Variants in UXS1 observed in about 807,000 individuals in gnomAD.
The protein encoded by UXS1 is UDP-glucuronate decarboxylase 1.
A neutral mutation model predicts 62.6 loss-of-function variants in UXS1; 33 were observed. The observed-to-expected ratio is 0.53, with a 90% confidence interval of 0.40 to 0.70. UXS1 has a LOEUF of 0.70. Ranked by LOEUF, UXS1 falls within the 30% of genes least tolerant of loss-of-function variation. The pLI, the probability that UXS1 is intolerant of heterozygous loss-of-function variation, is 0.00. For synonymous variants in UXS1, 213 were observed against 206.8 expected, an observed-to-expected ratio of 1.03 and a Z score of -0.26; for missense variants, 434 against 556.3, an observed-to-expected ratio of 0.78 and a Z score of 2.21.
intron 1 of UXS1, among the ~76,000 whole-genome samples, chr2:106,183,170 A>G (rs1457617656): frequency 6.6e-6 from 1 of 151,334 alleles, no homozygotes; most frequent in East Asian, 1.9e-4. Flanking sequence ...TCCCTTGGTT[A>G]CAACCAAGCC....
At chr2:106,169,081 C>G (rs1432154535) in intron 1 of UXS1, among the ~76,000 whole-genome samples, 1 of 152,160 alleles carries the variant, frequency 6.6e-6, no homozygotes, top group African/African-American at 2.4e-5. Flanking sequence ...TTCTAGACAC[C>G]TGGTGAACAC....
At chr2:106,104,344 A>G (rs1169995098) in intron 11 of UXS1, among the ~76,000 whole-genome samples, 3 of 152,236 alleles carry the variant, frequency 2.0e-5, no homozygotes, top group Non-Finnish European at 2.9e-5. Context: ...TTTTATCTGC[A>G]TTTAGTTTCA....
chr2:106,153,358 A>C (rs1428227765), intron 5 of UXS1, among the ~76,000 whole-genome samples: 1 of 152,206 alleles, frequency 6.6e-6, no homozygotes, highest in Non-Finnish European at 1.5e-5. Context: ...GCACAGGCTT[A>C]ATAGAGAAAT....
chr2:106,148,096 A>T (rs1007837938), intron 5 of UXS1, among the ~76,000 whole-genome samples: 1 of 152,216 alleles, frequency 6.6e-6, no homozygotes, highest in Non-Finnish European at 1.5e-5. Context: ...ATCCTCAGAG[A>T]TCACTAGCTG....
chr2:106,096,754 G>A lies in UXS1; in HGVS notation c.1110C>T (p.Ile370=), dbSNP rs780851980. The A allele has an allele frequency of 6.9e-6, 11 of 1,588,490 alleles. No homozygotes were observed. The highest frequency in any genetic ancestry group is 5.3e-5 in the Admixed American group (3 of 56,614). ...ACCCCAGCATCAGCTTTGCTTTTTT[G>A]ATGTCTGGTTTTCTTTTCTGTGGGT... ...QDDPQKRKPD[I]KKAKLMLGWE... Residue 370 remains isoleucine (I), a synonymous_variant, in exon 14 of 15, where the codon ATC becomes ATT. Coordinates refer to ENST00000283148, the MANE Select transcript of UXS1 (RefSeq NM_001253875.2).
intron 9 of UXS1, among the ~76,000 whole-genome samples, chr2:106,117,596 C>T (rs781223360): frequency 6.6e-6 from 1 of 152,194 alleles, no homozygotes; most frequent in Non-Finnish European, 1.5e-5. Flanking sequence ...CAGAGCCCTG[C>T]ATAGTGGGAG....
At position 106,094,197 on chromosome 2, in the gene UXS1, T is replaced by C. The variant is rs371810370; in HGVS notation, c.1147-40A>G. 307 of 1,226,000 alleles carry C rather than the reference T, an allele frequency of 2.5e-4. 1 individual carries two copies. The highest frequency in any genetic ancestry group is 8.2e-4 in the East Asian group (24 of 29,362). 75.9% of individuals were successfully genotyped at this position (1,226,000 alleles called of 1,614,324 possible). On this transcript the variant is annotated intron_variant, in intron 14 of 14. Transcript: ENST00000283148. ...AGCAAGAAAGGGAGACAAGGTCACA[T>C]TGACAGAAGGGCATCGCAGGAAGGA...
At chr2:106,175,244 GA>G (rs754969585) in intron 1 of UXS1, among the ~76,000 whole-genome samples, 1 of 152,216 alleles carries the variant, frequency 6.6e-6, no homozygotes, top group Non-Finnish European at 1.5e-5. Context: ...TATTGGCAGA[GA>G]AAGTTCCAGA....
chr2:106,094,232 T>TTGCAGGAAGGAAGTGCCACCC, intron 14 of UXS1, 75 bp from the exon 15 acceptor site: 1 of 1,599,538 alleles, frequency 6.3e-7, no homozygotes, highest in Middle Eastern at 1.7e-4. Flanking sequence ...AAGTGCCACC[T>TTGCAGGAAGGAAGTGCCACCC]TGCAGGAAGG....
chr2:106,175,743 A>C (rs1203019488), intron 1 of UXS1, among the ~76,000 whole-genome samples: 1 of 152,178 alleles, frequency 6.6e-6, no homozygotes, highest in Non-Finnish European at 1.5e-5. Context: ...GCCAGTGAAG[A>C]AGCCCCCTGC....
At chr2:106,164,465 T>G (rs957862283) in intron 3 of UXS1, among the ~76,000 whole-genome samples, 2 of 152,198 alleles carry the variant, frequency 1.3e-5, no homozygotes, top group Non-Finnish European at 2.9e-5. Context: ...AGGCAATCAC[T>G]TCCCTTTCTC....
intron 4 of UXS1, among the ~76,000 whole-genome samples, chr2:106,161,440 T>C (rs1232596050): frequency 1.3e-5 from 2 of 152,166 alleles, no homozygotes. Flanking sequence ...TCCTACCCAG[T>C]GTACTGGCTC....
chr2:106,194,258 G>A lies in UXS1; in HGVS notation c.-17C>T, dbSNP rs750038916. The A allele has an allele frequency of 7.3e-7, 1 of 1,376,362 alleles. No individual in the cohort carries two copies. Among genetic ancestry groups the A allele is most frequent in the South Asian group, 1.5e-5 (1 of 68,140 alleles). The allele number at this position is 1,376,362 out of a possible 1,614,324, so 85.3% of individuals were successfully genotyped here. A position where few individuals can be genotyped will look rare whatever the true frequency, so the allele number is the denominator to read the frequency against. ...GCTCACCATCCCCGGGAGCCGCGCG[G>A]GTCCAGGGCCCTACCGCGCGGGGGC... is the stretch of plus-strand genomic sequence containing the variant. On this transcript the variant is annotated 5_prime_UTR_variant, in exon 1 of 15. Coordinates refer to ENST00000283148, the MANE Select transcript of UXS1 (RefSeq NM_001253875.2).
At chr2:106,136,965 C>CAAA (rs397701050) in intron 6 of UXS1, among the ~76,000 whole-genome samples, 128 of 54,052 alleles carry the variant, frequency 2.4e-3, no homozygotes, top group Non-Finnish European at 3.1e-3. Flanking sequence ...AGAACACACA[C>CAAA]AAAAAAAAAA....
chr2:106,100,928 T>C, intron 12 of UXS1, 130 bp downstream of exon 12: 5 of 1,157,992 alleles, frequency 4.3e-6, no homozygotes, highest in Non-Finnish European at 6.3e-6. Flanking sequence ...CTCTAGTATT[T>C]AGCAAGCAAC....
chr2:106,144,533 A>T (rs368200151), intron 6 of UXS1, among the ~76,000 whole-genome samples: 5 of 152,278 alleles, frequency 3.3e-5, no homozygotes, highest in Admixed American at 2.6e-4. Flanking sequence ...ATACTAAAAG[A>T]ATATTTTTAA....
At chr2:106,145,517 G>A in intron 5 of UXS1, 147 bp from the exon 6 acceptor site, 2 of 985,894 alleles carry the variant, frequency 2.0e-6, no homozygotes, top group South Asian at 3.7e-5. Flanking sequence ...AAGGTTTTAA[G>A]GTAGCATCTT....
chr2:106,186,883 G>A (rs1684591548), intron 1 of UXS1, among the ~76,000 whole-genome samples: 1 of 151,954 alleles, frequency 6.6e-6, no homozygotes, highest in Admixed American at 6.6e-5. Flanking sequence ...ACAATGGGGG[G>A]AAATTTAAAT....
chr2:106,123,070 C>G lies in UXS1; in HGVS notation c.659G>C (p.Ser220Thr), dbSNP rs764044038. 1 of 1,613,944 alleles carries G rather than the reference C, an allele frequency of 6.2e-7. No individual in the cohort carries two copies. Reference protein sequence around the residue: ...VYGDPEVHPQSEDYWGHVNPI... With the variant: ...VYGDPEVHPQTEDYWGHVNPI... ...ATTCACGTGGCCCCAGTAATCCTCA[C>G]TTTGAGGGTGGACTTCAGGATCTAC... The change falls in exon 9 of 15, where the codon AGT (serine) becomes ACT (threonine). Residue 220 changes from serine (S) to threonine (T), a missense_variant. By Grantham distance (58) the Ser-to-Thr change is moderately conservative (BLOSUM62 1). Transcript: ENST00000283148.
Sources: allele counts gnomAD v4.1 joint callset (sites outside exome capture counted in the v4.1 genomes callset), GRCh38; gene constraint gnomAD v4.1.1; transcripts MANE v1.5; gene names NCBI Gene and HGNC (gene_info 2026-07-23, HGNC 2026-07-21).